DGKB: variants seen among roughly 807,000 people sequenced by gnomAD.
DGKB encodes diacylglycerol kinase beta, also known as 90 kDa diacylglycerol kinase.
Under a neutral mutation model 114.3 loss-of-function variants are expected in DGKB, and 67 were observed. That is an observed-to-expected ratio of 0.59 (90% CI 0.48 to 0.72). DGKB has a LOEUF of 0.72. DGKB is among the 30% of genes least tolerant of loss of function. The pLI is 0.00. For synonymous variants in DGKB, 398 were observed against 323.1 expected, an observed-to-expected ratio of 1.23 and a Z score of -2.49; for missense variants, 907 against 975.2, an observed-to-expected ratio of 0.93 and a Z score of 0.93.
chr7:14,260,674 A>AAAG (rs1359406489), intron 23 of DGKB, among the ~76,000 whole-genome samples: 1 of 152,182 alleles, frequency 6.6e-6, no homozygotes, highest in African/African-American at 2.4e-5. Flanking sequence ...TCAGCTTATT[A>AAAG]AAGTTCAGGC....
intron 1 of DGKB, among the ~76,000 whole-genome samples, chr7:14,930,062 T>C (rs2128250468): frequency 6.6e-6 from 1 of 152,266 alleles, no homozygotes; most frequent in East Asian, 1.9e-4. Flanking sequence ...GGGTTCTCTA[T>C]TCTGTCCCAT....
chr7:14,416,600 A>C (rs1286468402), intron 21 of DGKB, among the ~76,000 whole-genome samples: 4 of 151,986 alleles, frequency 2.6e-5, no homozygotes, highest in Non-Finnish European at 5.9e-5. Context: ...TACTGTTCTC[A>C]TGGTAGTAAA....
chr7:14,323,459 TAGAG>T (rs1428821332), intron 23 of DGKB, among the ~76,000 whole-genome samples: 2 of 152,150 alleles, frequency 1.3e-5, no homozygotes, highest in South Asian at 2.1e-4. Context: ...GGATAACACA[TAGAG>T]AGGGAGTAGG....
At chr7:14,326,004 T>A (rs940619234) in intron 23 of DGKB, among the ~76,000 whole-genome samples, 2 of 152,018 alleles carry the variant, frequency 1.3e-5, no homozygotes, top group African/African-American at 4.8e-5. Context: ...AAGTCAGAAA[T>A]GTTTATGTCT....
chr7:14,471,776 T>C (rs1431371531), intron 21 of DGKB, among the ~76,000 whole-genome samples: 2 of 152,088 alleles, frequency 1.3e-5, no homozygotes, highest in Non-Finnish European at 2.9e-5. Flanking sequence ...GGTAGTAAGA[T>C]ATATAGAAAA....
intron 2 of DGKB, among the ~76,000 whole-genome samples, chr7:14,839,440 T>C (rs1306619235): frequency 6.7e-6 from 1 of 149,544 alleles, no homozygotes; most frequent in East Asian, 2.0e-4. Context: ...AGGGTCTGGC[T>C]GTCAGCCATG....
chr7:14,424,669 G>C (rs1053870789), intron 21 of DGKB, among the ~76,000 whole-genome samples: 5 of 151,918 alleles, frequency 3.3e-5, no homozygotes, highest in Admixed American at 6.6e-5. Flanking sequence ...GCTTCAAACC[G>C]GGTCTCCGGA....
chr7:14,507,021 G>A (rs1002536635), intron 20 of DGKB, among the ~76,000 whole-genome samples: 1 of 152,166 alleles, frequency 6.6e-6, no homozygotes, highest in South Asian at 2.1e-4. Flanking sequence ...GGACAAATAT[G>A]GCAGAGGCAC....
chr7:14,850,384 A>G (rs139463922), intron 1 of DGKB, among the ~76,000 whole-genome samples: 1,865 of 152,256 alleles, frequency 0.012, 29 homozygotes, highest in Admixed American at 0.018. Flanking sequence ...TTTAAAGTTA[A>G]TGAGAAGAGT....
chr7:14,804,626 T>A (rs1842580463), intron 2 of DGKB, among the ~76,000 whole-genome samples: 1 of 152,084 alleles, frequency 6.6e-6, no homozygotes, highest in Non-Finnish European at 1.5e-5. Context: ...CCATTCTCTT[T>A]ACTTGGCACT....
chr7:14,945,686 C>T (rs1785832863), intron 1 of DGKB, among the ~76,000 whole-genome samples: 1 of 151,490 alleles, frequency 6.6e-6, no homozygotes, highest in South Asian at 2.1e-4. Flanking sequence ...GATGTTATTA[C>T]AAATATTCTA....
intron 1 of DGKB, among the ~76,000 whole-genome samples, chr7:14,973,536 T>C (rs1422894883): frequency 1.4e-5 from 2 of 145,548 alleles, no homozygotes; most frequent in South Asian, 2.1e-4. Context: ...TGTTTTTTTT[T>C]TCTTTTTTTT....
At chr7:14,476,803 G>A (rs1383020873) in intron 21 of DGKB, among the ~76,000 whole-genome samples, 1 of 146,422 alleles carries the variant, frequency 6.8e-6, no homozygotes, top group Non-Finnish European at 1.5e-5. Context: ...TGCCCAGGCT[G>A]GAGTGCAATG....
chr7:14,183,621 G>A (rs1319943646), intron 23 of DGKB, among the ~76,000 whole-genome samples: 1 of 152,210 alleles, frequency 6.6e-6, no homozygotes, highest in Non-Finnish European at 1.5e-5. Context: ...AGTCCTTTGA[G>A]ATAGGTATTA....
intron 23 of DGKB, among the ~76,000 whole-genome samples, chr7:14,323,802 T>A (rs1039477537): frequency 2.0e-5 from 3 of 152,182 alleles, no homozygotes; most frequent in African/African-American, 7.2e-5. Context: ...ATATGAAGAT[T>A]CACATTTCTG....
chr7:14,914,525 C>T (rs1379912165), intron 1 of DGKB, among the ~76,000 whole-genome samples: 1 of 152,022 alleles, frequency 6.6e-6, no homozygotes, highest in Non-Finnish European at 1.5e-5. Context: ...TCACTCCTAG[C>T]CACATTGACA....
At chr7:14,640,591 G>C (rs905368679) in intron 13 of DGKB, among the ~76,000 whole-genome samples, 3 of 152,114 alleles carry the variant, frequency 2.0e-5, no homozygotes, top group Admixed American at 2.0e-4. Flanking sequence ...GAAAGCTCGA[G>C]AACTATCCTT....
intron 17 of DGKB, among the ~76,000 whole-genome samples, chr7:14,596,192 T>G (rs900263705): frequency 6.6e-6 from 1 of 152,164 alleles, no homozygotes; most frequent in African/African-American, 2.4e-5. Context: ...AATGATACAT[T>G]TAATATCATG....
chr7:14,510,883 A>G (rs1787882600), intron 20 of DGKB, among the ~76,000 whole-genome samples: 2 of 152,230 alleles, frequency 1.3e-5, no homozygotes, highest in Non-Finnish European at 2.9e-5. Context: ...GTAACTAGGT[A>G]CATTGCAAAT....
Sources: allele counts gnomAD v4.1 joint callset (sites outside exome capture counted in the v4.1 genomes callset), GRCh38; gene constraint gnomAD v4.1.1; transcripts MANE v1.5; gene names NCBI Gene and HGNC (gene_info 2026-07-23, HGNC 2026-07-21).